TNIK: variants seen among roughly 807,000 people sequenced by gnomAD.
TNIK encodes TRAF2 and NCK-interacting protein kinase.
Under a neutral mutation model 191.3 loss-of-function variants are expected in TNIK, and 49 were observed. The ratio of observed to expected loss-of-function variants is 0.26; its 90% CI spans 0.20 to 0.32. TNIK has a LOEUF of 0.32. Among genes scored for constraint, TNIK ranks in the 10% least tolerant of loss-of-function variants. The pLI, the probability that TNIK is intolerant of heterozygous loss-of-function variation, is 1.00. For synonymous variants in TNIK, 594 were observed against 600.9 expected, an observed-to-expected ratio of 0.99 and a Z score of 0.17; for missense variants, 1,155 against 1,702.3, an observed-to-expected ratio of 0.68 and a Z score of 5.66.
chr3:171,120,726 G>C (rs1040957413), intron 18 of TNIK, among the ~76,000 whole-genome samples: 1 of 152,134 alleles, frequency 6.6e-6, no homozygotes, highest in Non-Finnish European at 1.5e-5. Flanking sequence ...GTGGTGACTT[G>C]GGGGTCCAGG....
At chr3:171,166,977 G>A (rs1033907466) in intron 10 of TNIK, 118 bp downstream of exon 10, 7 of 1,282,852 alleles carry the variant, frequency 5.5e-6, no homozygotes, top group South Asian at 3.8e-5. Context: ...ACAGCCCCTC[G>A]CACTAAAGAA....
At chr3:171,312,841 T>A (rs1018188703) in intron 2 of TNIK, among the ~76,000 whole-genome samples, 1 of 152,172 alleles carries the variant, frequency 6.6e-6, no homozygotes, top group Non-Finnish European at 1.5e-5. Context: ...CTATGGCTTA[T>A]GGCTCAAATC....
At chr3:171,409,588 T>C (rs1192127305) in intron 1 of TNIK, among the ~76,000 whole-genome samples, 2 of 151,836 alleles carry the variant, frequency 1.3e-5, no homozygotes, top group Admixed American at 6.6e-5. Flanking sequence ...CTTTAAATTG[T>C]TCAAAATAAA....
intron 2 of TNIK, among the ~76,000 whole-genome samples, chr3:171,313,633 T>G (rs552476810): frequency 6.6e-6 from 1 of 152,060 alleles, no homozygotes; most frequent in Non-Finnish European, 1.5e-5. Context: ...AAAATTATCA[T>G]GAAATAACAA....
chr3:171,155,390 G>T (rs934300483), intron 12 of TNIK, among the ~76,000 whole-genome samples: 7 of 152,220 alleles, frequency 4.6e-5, no homozygotes, highest in Admixed American at 3.9e-4. Flanking sequence ...CTGCGCTATA[G>T]AATAAGATGA....
chr3:171,306,104 A>G, intron 2 of TNIK, among the ~76,000 whole-genome samples: 1 of 152,210 alleles, frequency 6.6e-6, no homozygotes, highest in East Asian at 1.9e-4. Context: ...TAGGAAACTA[A>G]CACAGGAACA....
intron 12 of TNIK, 78 bp from the exon 13 acceptor site, chr3:171,140,587 T>C: frequency 7.4e-7 from 1 of 1,346,000 alleles, no homozygotes; most frequent in Non-Finnish European, 1.1e-6. Context: ...GGAAAAGCTG[T>C]TGAACCCCAG....
rs1718406112 is a variant in TNIK at position 171,066,121 on chromosome 3, G to A, written c.3999+66C>T. ...TCAAATCAGTATAAAGGAAAATGAA[G>A]GTTTCACAGGTACCTGGTGGTCTCT... On this transcript the variant is annotated intron_variant, in intron 32 of 32. Coordinates refer to ENST00000436636, the MANE Select transcript of TNIK (RefSeq NM_015028.4). 1.5e-5 allele frequency: 24 copies of A among 1,583,094 alleles called. 1 individual carries two copies. In the East Asian group the frequency reaches 5.4e-4, roughly 35 times the overall value.
chr3:171,157,328 C>A, intron 12 of TNIK, 132 bp downstream of exon 12: 1 of 1,115,050 alleles, frequency 9.0e-7, no homozygotes, highest in Non-Finnish European at 1.3e-6. Context: ...GACTTATCTG[C>A]CCTTGCAGTC....
intron 1 of TNIK, among the ~76,000 whole-genome samples, chr3:171,396,102 C>A (rs115285903): frequency 0.013 from 1,953 of 152,094 alleles, 18 homozygotes; most frequent in Middle Eastern, 0.037. Flanking sequence ...TCCTCAGACC[C>A]CTCATCCTCC....
At chr3:171,167,341 A>G in intron 9 of TNIK, 71 bp from the exon 10 acceptor site, 3 of 1,560,360 alleles carry the variant, frequency 1.9e-6, no homozygotes, top group Non-Finnish European at 2.6e-6. Flanking sequence ...TAATTTCTGA[A>G]ATGCTGGGAC....
rs1476643358 is a variant in TNIK, at chr3:171,208,856, C to G, written c.306+2260G>C. ...ATTACAGGCGTGAGCCACCCTCGCA[C>G]CCAGCCCCTACTAAAATTGTTAATG... is the stretch of plus-strand genomic sequence containing the variant. On this transcript the variant is annotated intron_variant, in intron 4 of 32. Transcript: ENST00000436636. Among the ~76,000 whole-genome samples the G allele has an allele frequency of 2.0e-5, 3 of 152,220 alleles. No homozygotes were observed. In the East Asian group the frequency reaches 5.8e-4, roughly 29 times the overall value.
At chr3:171,436,809 C>G (rs1161646625) in intron 1 of TNIK, among the ~76,000 whole-genome samples, 1 of 152,208 alleles carries the variant, frequency 6.6e-6, no homozygotes, top group Non-Finnish European at 1.5e-5. Flanking sequence ...TTTCAAAAGA[C>G]TGAGAACAGG....
intron 3 of TNIK, among the ~76,000 whole-genome samples, chr3:171,224,080 G>T (rs1742692469): frequency 6.6e-6 from 1 of 152,148 alleles, no homozygotes; most frequent in African/African-American, 2.4e-5. Flanking sequence ...ATTCAGACTG[G>T]CACCTTTGCT....
chr3:171,253,103 C>T (rs550291100), intron 2 of TNIK, among the ~76,000 whole-genome samples: 6 of 150,150 alleles, frequency 4.0e-5, no homozygotes, highest in South Asian at 4.2e-4. Context: ...GGTGAAACCT[C>T]GTCTTTACTA....
At chr3:171,285,932 G>A (rs895209189) in intron 2 of TNIK, among the ~76,000 whole-genome samples, 1 of 152,158 alleles carries the variant, frequency 6.6e-6, no homozygotes, top group African/African-American at 2.4e-5. Context: ...GGGGCAAATT[G>A]GCTATTCTGG....
intron 1 of TNIK, among the ~76,000 whole-genome samples, chr3:171,423,707 A>G (rs1419185302): frequency 6.6e-6 from 1 of 151,812 alleles, no homozygotes; most frequent in Non-Finnish European, 1.5e-5. Context: ...ATCTTTGACA[A>G]ACCTGACAAA....
chr3:171,239,331 G>T (rs892106702), intron 2 of TNIK, among the ~76,000 whole-genome samples: 2 of 152,180 alleles, frequency 1.3e-5, no homozygotes, highest in Non-Finnish European at 2.9e-5. Context: ...TTCTTCAAAT[G>T]CAGGGATATA....
intron 2 of TNIK, among the ~76,000 whole-genome samples, chr3:171,249,362 T>A (rs1031376609): frequency 2.0e-5 from 3 of 152,204 alleles, no homozygotes; most frequent in African/African-American, 7.2e-5. Flanking sequence ...GAATATCAGA[T>A]CTGTACAAAT....
Sources: gnomAD v4.1 joint callset for allele counts (sites outside exome capture counted in the v4.1 genomes callset) on GRCh38, gnomAD v4.1.1 for gene constraint, MANE v1.5 for transcripts, NCBI Gene and HGNC (gene_info 2026-07-23, HGNC 2026-07-21) for gene names.